The following CRYL1 variants were observed in gnomAD, a reference collection of about 807,000 sequenced individuals.
CRYL1 encodes the protein crystallin lambda 1, also known as lambda-crystallin homolog.
In CRYL1, 29 loss-of-function variants were observed where a neutral mutation model predicts 36.6. The observed-to-expected ratio is 0.79, with a 90% confidence interval of 0.59 to 1.08. The LOEUF is 1.08. CRYL1 is among the 50% of genes least tolerant of loss of function. CRYL1 has a pLI of 0.00. For synonymous variants in CRYL1, 152 were observed against 151.5 expected (o/e 1.00, Z -0.02); for missense variants, 411 against 407.9 (o/e 1.01, Z -0.06).
At chr13:20,460,565 G>C (rs537938573) in intron 3 of CRYL1, among the ~76,000 whole-genome samples, 2 of 123,898 alleles carry the variant, frequency 1.6e-5, no homozygotes, top group Non-Finnish European at 3.2e-5. Flanking sequence ...TCGCTCTGTC[G>C]CCCAGGCTGG....
chr13:20,459,731 CCTATCAGATATTATG>C (rs1421901322), intron 3 of CRYL1, among the ~76,000 whole-genome samples: 2 of 152,140 alleles, frequency 1.3e-5, no homozygotes, highest in Non-Finnish European at 2.9e-5. Flanking sequence ...GGACTGAAAA[CCTATCAGATATTATG>C]CTGATTACCG....
intron 5 of CRYL1, chr13:20,430,631 C>T (rs1263627759): frequency 8.1e-6 from 8 of 985,330 alleles, no homozygotes; most frequent in Non-Finnish European, 9.6e-6. Flanking sequence ...TTTGTGTACA[C>T]CTCCCACCCG....
intron 3 of CRYL1, among the ~76,000 whole-genome samples, chr13:20,447,546 G>A (rs2032483061): frequency 1.3e-5 from 2 of 151,636 alleles, no homozygotes; most frequent in South Asian, 4.2e-4. Context: ...ACAAGTATTA[G>A]GTAAAAAGTA....
At chr13:20,471,153 G>A (rs550205293) in intron 3 of CRYL1, among the ~76,000 whole-genome samples, 16 of 152,078 alleles carry the variant, frequency 1.1e-4, no homozygotes, top group Admixed American at 3.9e-4. Context: ...GTAAATTCAC[G>A]TGAAAGAGTA....
intron 1 of CRYL1, among the ~76,000 whole-genome samples, chr13:20,517,027 G>A (rs1397019589): frequency 6.6e-6 from 1 of 151,940 alleles, no homozygotes; most frequent in Non-Finnish European, 1.5e-5. Flanking sequence ...TATGCAGTGA[G>A]CTACAATCAC....
At chr13:20,427,372 C>T (rs2031955634) in intron 5 of CRYL1, 2 of 945,994 alleles carry the variant, frequency 2.1e-6, no homozygotes, top group Non-Finnish European at 2.5e-6. Flanking sequence ...CCTTCACTCC[C>T]TTGGCTATCC....
chr13:20,452,250 A>AT (rs1347625651), intron 3 of CRYL1, among the ~76,000 whole-genome samples: 3 of 151,750 alleles, frequency 2.0e-5, no homozygotes, highest in Non-Finnish European at 4.4e-5. Context: ...ATTAAAAAAA[A>AT]AAAAAAGCAA....
intron 6 of CRYL1, among the ~76,000 whole-genome samples, chr13:20,409,368 T>G (rs1011232176): frequency 1.3e-5 from 2 of 152,072 alleles, no homozygotes; most frequent in African/African-American, 4.8e-5. Context: ...ATTAAAGACT[T>G]AAACCATAAA....
At chr13:20,500,676 C>G (rs1046684126) in intron 2 of CRYL1, among the ~76,000 whole-genome samples, 1 of 152,120 alleles carries the variant, frequency 6.6e-6, no homozygotes, top group African/African-American at 2.4e-5. Flanking sequence ...GCCTTTGATT[C>G]CTGGATGGTC....
At chr13:20,504,302 C>CTTTTTTT (rs757657892) in intron 2 of CRYL1, among the ~76,000 whole-genome samples, 19 of 128,480 alleles carry the variant, frequency 1.5e-4, no homozygotes, top group African/African-American at 4.5e-4. Flanking sequence ...CTTTTCTTTT[C>CTTTTTTT]TTTTTTTTTT....
intron 3 of CRYL1, among the ~76,000 whole-genome samples, chr13:20,446,004 C>T (rs1180679483): frequency 1.3e-5 from 2 of 152,216 alleles, no homozygotes; most frequent in Non-Finnish European, 2.9e-5. Context: ...CATAACTATA[C>T]ACTAAGCTGC....
At chr13:20,447,459 C>T (rs1055553835) in intron 3 of CRYL1, among the ~76,000 whole-genome samples, 4 of 152,000 alleles carry the variant, frequency 2.6e-5, no homozygotes, top group Non-Finnish European at 5.9e-5. Context: ...TGAGTAGGTC[C>T]GACCCCCAAG....
At chr13:20,459,017 C>T (rs1437664158) in intron 3 of CRYL1, among the ~76,000 whole-genome samples, 1 of 152,114 alleles carries the variant, frequency 6.6e-6, no homozygotes, top group Admixed American at 6.5e-5. Flanking sequence ...GGGCGGATCA[C>T]AAGGTCAGGA....
intron 1 of CRYL1, among the ~76,000 whole-genome samples, chr13:20,521,117 A>G (rs1167129085): frequency 2.2e-5 from 1 of 45,738 alleles, no homozygotes; most frequent in African/African-American, 3.4e-5. Flanking sequence ...AAAAAAAAAA[A>G]AAAAAAAGGA....
intron 3 of CRYL1, among the ~76,000 whole-genome samples, chr13:20,456,638 A>ACACACACACACACACACACAC (rs5802075): frequency 7.3e-6 from 1 of 137,612 alleles, no homozygotes; most frequent in African/African-American, 3.0e-5. Flanking sequence ...ACACACACAC[A>ACACACACACACACACACACAC]AAGACCACGA....
At chr13:20,431,845 A>C in intron 5 of CRYL1, 1 of 1,419,792 alleles carries the variant, frequency 7.0e-7, no homozygotes, top group Non-Finnish European at 9.2e-7. Context: ...GGAAGGAGAG[A>C]AGCCTGTCAT....
intron 3 of CRYL1, among the ~76,000 whole-genome samples, chr13:20,478,419 T>A (rs2033207663): frequency 6.6e-6 from 1 of 152,188 alleles, no homozygotes; most frequent in Admixed American, 6.5e-5. Context: ...TCACTTGCAC[T>A]ATAATATACC....
At chr13:20,497,675 TACAC>T (rs1565983866) in intron 2 of CRYL1, among the ~76,000 whole-genome samples, 3 of 144,098 alleles carry the variant, frequency 2.1e-5, no homozygotes, top group East Asian at 2.1e-4. Context: ...ACACTCCACA[TACAC>T]ACAACTACAC....
intron 2 of CRYL1, among the ~76,000 whole-genome samples, chr13:20,495,441 A>T (rs187971751): frequency 3.8e-4 from 58 of 152,154 alleles, no homozygotes; most frequent in Non-Finnish European, 7.4e-4. Flanking sequence ...GGTGATTTTA[A>T]TTTTTTTTAA....
Sources: gnomAD v4.1 joint callset for allele counts (sites outside exome capture counted in the v4.1 genomes callset) on GRCh38, gnomAD v4.1.1 for gene constraint, MANE v1.5 for transcripts, NCBI Gene and HGNC (gene_info 2026-07-23, HGNC 2026-07-21) for gene names.